Variants in PRKG1 observed in about 807,000 individuals in gnomAD.
The protein encoded by PRKG1 is cGMP-dependent protein kinase 1.
A neutral mutation model predicts 88.1 loss-of-function variants in PRKG1; 35 were observed. The ratio of observed to expected loss-of-function variants is 0.40; its 90% confidence interval spans 0.30 to 0.53. The LOEUF (loss-of-function observed/expected upper bound fraction) is 0.53. Among genes scored for constraint, PRKG1 ranks in the 20% least tolerant of loss-of-function variants. The pLI is 0.59. For synonymous variants in PRKG1, 303 were observed against 292.5 expected, an observed-to-expected ratio of 1.04 and a Z score of -0.37; for missense variants, 540 against 839.8, an observed-to-expected ratio of 0.64 and a Z score of 4.41.
At chr10:52,220,138 T>C (rs528927157) in intron 9 of PRKG1, among the ~76,000 whole-genome samples, 1 of 152,212 alleles carries the variant, frequency 6.6e-6, no homozygotes, top group South Asian at 2.1e-4. Flanking sequence ...CCCAGTGACA[T>C]TCAGAATACA....
At chr10:51,340,481 T>G (rs955335186) in intron 2 of PRKG1, among the ~76,000 whole-genome samples, 2 of 152,186 alleles carry the variant, frequency 1.3e-5, no homozygotes, top group South Asian at 4.1e-4. Flanking sequence ...AATGTTTACT[T>G]CATTTCAAAG....
chr10:51,903,183 G>A (rs1449624467), intron 4 of PRKG1, among the ~76,000 whole-genome samples: 1 of 152,018 alleles, frequency 6.6e-6, no homozygotes, highest in East Asian at 1.9e-4. Flanking sequence ...AATGTGGGAG[G>A]GTTGTCGTAA....
intron 9 of PRKG1, among the ~76,000 whole-genome samples, chr10:52,222,223 G>A (rs758685177): frequency 1.3e-5 from 2 of 152,114 alleles, no homozygotes; most frequent in African/African-American, 4.8e-5. Flanking sequence ...ACCCATGGGA[G>A]CACGTGTGAA....
intron 16 of PRKG1, among the ~76,000 whole-genome samples, chr10:52,289,354 AAT>A (rs1842190084): frequency 6.6e-6 from 1 of 152,110 alleles, no homozygotes; most frequent in Non-Finnish European, 1.5e-5. Context: ...CTAAAGACAA[AAT>A]ATATTTTTCC....
chr10:51,563,236 A>G (rs919918027), intron 3 of PRKG1, among the ~76,000 whole-genome samples: 2 of 152,200 alleles, frequency 1.3e-5, no homozygotes, highest in African/African-American at 4.8e-5. Flanking sequence ...CTAGTGTTGT[A>G]CACCACTGTA....
At chr10:51,464,691 A>G (rs917724714) in intron 2 of PRKG1, among the ~76,000 whole-genome samples, 1 of 151,868 alleles carries the variant, frequency 6.6e-6, no homozygotes, top group African/African-American at 2.4e-5. Context: ...GGAGATCGAG[A>G]CCATCCCGGC....
chr10:51,024,549 T>A (rs1323165154), intron 1 of PRKG1, among the ~76,000 whole-genome samples: 2 of 152,186 alleles, frequency 1.3e-5, no homozygotes, highest in African/African-American at 4.8e-5. Context: ...TCGAATAATT[T>A]GAGAAAAAAA....
At chr10:51,206,666 C>G (rs971923918) in intron 2 of PRKG1, among the ~76,000 whole-genome samples, 3 of 152,256 alleles carry the variant, frequency 2.0e-5, no homozygotes, top group African/African-American at 7.2e-5. Flanking sequence ...CCCACTTTTT[C>G]TTGGGAAATA....
rs185365742 is a variant in PRKG1 at position 51,836,502 on chromosome 10, G to A, written c.698+31812G>A. The stretch of plus-strand genomic sequence containing the variant: ...AAATCTCTACCCAAAGCAATGTCAT[G>A]GAGCATTTCCCATATGTTTTCTTCA... On this transcript the variant is annotated intron_variant, in intron 4 of 17. Coordinates refer to ENST00000373980, the MANE Select transcript of PRKG1 (RefSeq NM_006258.4). Among the ~76,000 whole-genome samples, 30 of 152,194 alleles carry A rather than the reference G, an allele frequency of 2.0e-4. No individual in the cohort carries two copies. The East Asian group carries it at 5.4e-3, about 27-fold the overall frequency.
chr10:51,226,269 ATTAT>A (rs869227901), intron 2 of PRKG1, among the ~76,000 whole-genome samples: 3 of 152,204 alleles, frequency 2.0e-5, no homozygotes, highest in African/African-American at 7.2e-5. Context: ...TATTTACAAA[ATTAT>A]TTTTTAGGAA....
At chr10:51,668,702 A>G (rs1436320902) in intron 3 of PRKG1, among the ~76,000 whole-genome samples, 2 of 152,182 alleles carry the variant, frequency 1.3e-5, no homozygotes, top group Non-Finnish European at 2.9e-5. Context: ...TTCTATTCAA[A>G]ATTAGGACTG....
chr10:51,911,261 G>C (rs1364989491), intron 5 of PRKG1: 2 of 150,386 alleles, frequency 1.3e-5, no homozygotes, highest in Admixed American at 1.3e-4. Context: ...TGGTGACATT[G>C]TGTGTTGTTG....
chr10:51,071,911 C>T (rs996247650), upstream of PRKG1, among the ~76,000 whole-genome samples: 5 of 152,070 alleles, frequency 3.3e-5, no homozygotes, highest in African/African-American at 1.2e-4. Flanking sequence ...TAAAAATGAA[C>T]GAGATGGCTG....
intron 3 of PRKG1, among the ~76,000 whole-genome samples, chr10:51,662,279 A>G (rs1315950011): frequency 6.6e-6 from 1 of 152,154 alleles, no homozygotes; most frequent in Non-Finnish European, 1.5e-5. Context: ...TCAGGCATTT[A>G]ATTGTGTGGA....
At chr10:52,094,591 C>A (rs1178834236) in intron 7 of PRKG1, among the ~76,000 whole-genome samples, 1 of 152,168 alleles carries the variant, frequency 6.6e-6, no homozygotes, top group Non-Finnish European at 1.5e-5. Context: ...GCCTGAATGG[C>A]TTAAACAAGA....
Position 51,125,381 on chromosome 10 carries a change from A to G in PRKG1, c.312-27783A>G, listed in dbSNP as rs935246893. On this transcript the variant is annotated intron_variant, in intron 1 of 17. Coordinates refer to ENST00000373980, the MANE Select transcript of PRKG1 (RefSeq NM_006258.4). ...TTATTTAAAAAATTATAAAGTATAA[A>G]TTATATAAATTTATTTAAAAATTTG... Among the ~76,000 whole-genome samples, 4 of 150,894 alleles carry G rather than the reference A, an allele frequency of 2.7e-5. No individual in the cohort carries two copies. In the East Asian group the frequency reaches 5.8e-4, roughly 22 times the overall value.
At chr10:51,242,031 G>T (rs1053180373) in intron 2 of PRKG1, among the ~76,000 whole-genome samples, 1 of 151,670 alleles carries the variant, frequency 6.6e-6, no homozygotes, top group African/African-American at 2.4e-5. Flanking sequence ...CAAAAAGATT[G>T]CTGAATAAGG....
chr10:52,181,419 CTTTTTTTTTTTTT>C (rs761799361), intron 9 of PRKG1, among the ~76,000 whole-genome samples: 1 of 55,068 alleles, frequency 1.8e-5, no homozygotes, highest in South Asian at 8.3e-4. Context: ...CACAGCTCTT[CTTTTTTTTTTTTT>C]TTTTTTTTTT....
At chr10:51,952,909 C>A (rs981622230) in intron 5 of PRKG1, among the ~76,000 whole-genome samples, 1 of 152,150 alleles carries the variant, frequency 6.6e-6, no homozygotes, top group African/African-American at 2.4e-5. Context: ...AATACAGAGC[C>A]TGGGACAGTG....
Sources: gnomAD v4.1 joint callset for allele counts (sites outside exome capture counted in the v4.1 genomes callset) on GRCh38, gnomAD v4.1.1 for gene constraint, MANE v1.5 for transcripts, NCBI Gene and HGNC (gene_info 2026-07-23, HGNC 2026-07-21) for gene names.